TAF1B: variants seen among roughly 807,000 people sequenced by gnomAD.
TAF1B encodes TATA-box binding protein associated factor, RNA polymerase I subunit B.
In TAF1B, 61 loss-of-function variants were observed where a neutral mutation model predicts 83.9. The observed-to-expected ratio is 0.73, with a 90% confidence interval of 0.59 to 0.90. The LOEUF (loss-of-function observed/expected upper bound fraction) is 0.90, where lower values mean the gene tolerates loss of function less well. Ranked by LOEUF, TAF1B falls within the 40% of genes least tolerant of loss-of-function variation. The pLI, the probability that TAF1B is intolerant of heterozygous loss-of-function variation, is 0.00. For missense variants in TAF1B, 625 were observed against 677.0 expected (o/e 0.92, Z 0.85); for synonymous variants, 221 against 224.6 (o/e 0.98, Z 0.14).
intron 8 of TAF1B, among the ~76,000 whole-genome samples, chr2:9,904,005 C>T (rs1665267919): frequency 6.6e-6 from 1 of 152,156 alleles, no homozygotes; most frequent in Non-Finnish European, 1.5e-5. Flanking sequence ...TCTCCAAATT[C>T]CAAATTTTAT....
intron 14 of TAF1B, among the ~76,000 whole-genome samples, chr2:9,929,210 G>C (rs1213636051): frequency 1.3e-5 from 2 of 152,012 alleles, no homozygotes; most frequent in African/African-American, 2.4e-5. Context: ...CCAGGCTGGA[G>C]TGCAGTGGCA....
chr2:9,889,849 A>G (rs964586523), intron 8 of TAF1B, among the ~76,000 whole-genome samples: 3 of 152,150 alleles, frequency 2.0e-5, no homozygotes, highest in Admixed American at 6.5e-5. Context: ...ACTCTACCCA[A>G]TGCCTCTGGT....
At position 9,868,717 on chromosome 2, in the gene TAF1B, T is replaced by C. The variant is rs1244862673; in HGVS notation, c.553+288T>C. On this transcript the variant is annotated intron_variant, in intron 6 of 14. Coordinates refer to ENST00000263663, the MANE Select transcript of TAF1B (RefSeq NM_005680.3). The stretch of plus-strand genomic sequence containing the variant: ...AAGGAGGCTGCTTCAGAAAGATCTA[T>C]ATGTGTGGGCTCAGCGTCTTCAAAG... 5.3e-6 allele frequency: 3 copies of C among 561,386 alleles called. No homozygotes were observed. In the Admixed American group the frequency reaches 6.6e-5, roughly 12 times the overall value. The allele number at this position is 561,386 out of a possible 1,614,324, so 34.8% of individuals were successfully genotyped here.
intron 5 of TAF1B, among the ~76,000 whole-genome samples, chr2:9,856,027 T>C (rs1014509): frequency 0.24 from 36,766 of 152,092 alleles, 5,013 homozygotes; most frequent in East Asian, 0.31. Context: ...ACACATTTGT[T>C]AAGGGCTTGG....
chr2:9,853,825 G>A (rs944707341), intron 4 of TAF1B, among the ~76,000 whole-genome samples: 3 of 152,026 alleles, frequency 2.0e-5, no homozygotes, highest in Admixed American at 1.3e-4. Flanking sequence ...TAACAGCTTT[G>A]CCCCTAACTA....
chr2:9,860,668 A>C (rs1663724101), intron 5 of TAF1B, among the ~76,000 whole-genome samples: 1 of 152,208 alleles, frequency 6.6e-6, no homozygotes, highest in Non-Finnish European at 1.5e-5. Flanking sequence ...ATGTGAAGTA[A>C]GAGGACAGCT....
At chr2:9,913,705 G>A (rs1233100493) in intron 12 of TAF1B, 2 of 152,864 alleles carry the variant, frequency 1.3e-5, no homozygotes, top group East Asian at 1.9e-4. Flanking sequence ...TTAAAACAAA[G>A]GAAAGCAGAT....
chr2:9,852,307 A>G (rs1233450178), intron 4 of TAF1B, among the ~76,000 whole-genome samples: 2 of 152,162 alleles, frequency 1.3e-5, no homozygotes, highest in African/African-American at 4.8e-5. Flanking sequence ...TTTGAATTTC[A>G]TATTCCTTCA....
intron 8 of TAF1B, among the ~76,000 whole-genome samples, chr2:9,888,016 C>G (rs1049842069): frequency 6.6e-6 from 1 of 152,082 alleles, no homozygotes; most frequent in African/African-American, 2.4e-5. Flanking sequence ...CCACAGCCAA[C>G]TAATTAAAAA....
At position 9,880,426 on chromosome 2, in the gene TAF1B, C is replaced by CTTTTTTTT. The variant is rs6146620; in HGVS notation, c.708-2262_708-2255dup. 2.4e-4 allele frequency among the ~76,000 whole-genome samples: 18 copies of CTTTTTTTT among 75,034 alleles called. 1 individual carries two copies. The highest frequency in any genetic ancestry group is 4.3e-4 in the African/African-American group (8 of 18,690). The allele number at this position is 75,034 out of a possible 152,430, so 49.2% of individuals were successfully genotyped here. A position where few individuals can be genotyped will look rare whatever the true frequency, so the allele number is the denominator to read the frequency against. On this transcript the variant is annotated intron_variant, in intron 7 of 14. Transcript: ENST00000263663. ...ATTGTTCAGAACTTTGAGTAAGCAG[C>CTTTTTTTT]TTTTTTTTTTTTTTTTTTTTTTTTT...
intron 8 of TAF1B, among the ~76,000 whole-genome samples, chr2:9,898,635 C>T (rs971339341): frequency 1.3e-5 from 2 of 152,106 alleles, no homozygotes; most frequent in Non-Finnish European, 2.9e-5. Flanking sequence ...TGACAGAGTA[C>T]AGTGTATCTA....
At chr2:9,875,294 C>A (rs749366711) in intron 6 of TAF1B, among the ~76,000 whole-genome samples, 22 of 152,156 alleles carry the variant, frequency 1.4e-4, no homozygotes, top group Non-Finnish European at 2.4e-4. Flanking sequence ...TGTCCCATCC[C>A]ACTCCTACAG....
intron 5 of TAF1B, among the ~76,000 whole-genome samples, chr2:9,858,522 G>T (rs1374980952): frequency 1.3e-5 from 2 of 152,222 alleles, no homozygotes; most frequent in Non-Finnish European, 2.9e-5. Context: ...GTGGGAATCT[G>T]TTGGGGCTCC....
intron 14 of TAF1B, among the ~76,000 whole-genome samples, chr2:9,927,718 G>T (rs1402564380): frequency 6.6e-6 from 1 of 151,910 alleles, no homozygotes; most frequent in Non-Finnish European, 1.5e-5. Flanking sequence ...TGATGGGGTT[G>T]TTTTTTTCTT....
intron 7 of TAF1B, among the ~76,000 whole-genome samples, chr2:9,879,367 C>T (rs1317065831): frequency 6.6e-6 from 1 of 152,120 alleles, no homozygotes; most frequent in Admixed American, 6.5e-5. Flanking sequence ...GGCTGGGTGG[C>T]GCTACAGCTT....
intron 2 of TAF1B, chr2:9,846,160 AAGTTACCC>A: frequency 2.1e-6 from 1 of 466,806 alleles, no homozygotes; most frequent in Non-Finnish European, 4.4e-6. Context: ...GAGTTTGCCA[AAGTTACCC>A]AAGTACCAGG....
In TAF1B at chr2:9,919,036, T is replaced by C. The variant is rs1429626036; in HGVS notation, c.1272-5T>C. 6.2e-7 allele frequency: 1 copy of C among 1,613,586 alleles called. No individual in the cohort carries two copies. The highest frequency in any genetic ancestry group is 1.7e-5 in the Admixed American group (1 of 59,996). ...CTGCTCCAGCTGTTTCTTTACCTTG[T>C]ACAGGTACCTGTGGAAAAGTGAAAA... is the stretch of plus-strand genomic sequence containing the variant. On this transcript the variant is annotated splice_polypyrimidine_tract_variant and splice_region_variant and intron_variant, in intron 12 of 14. Transcript: ENST00000263663.
intron 8 of TAF1B, among the ~76,000 whole-genome samples, chr2:9,903,398 A>T (rs781272056): frequency 2.3e-4 from 35 of 152,232 alleles, no homozygotes; most frequent in South Asian, 6.2e-4. Flanking sequence ...TCTAAACTAA[A>T]TTTTTTATGT....
intron 8 of TAF1B, among the ~76,000 whole-genome samples, chr2:9,898,891 T>C (rs1665098389): frequency 6.6e-6 from 1 of 152,036 alleles, no homozygotes; most frequent in African/African-American, 2.4e-5. Flanking sequence ...CTCTTTAACA[T>C]GTGTTTTTTT....
Sources: gnomAD v4.1 joint callset for allele counts (sites outside exome capture counted in the v4.1 genomes callset) on GRCh38, gnomAD v4.1.1 for gene constraint, MANE v1.5 for transcripts, NCBI Gene and HGNC (gene_info 2026-07-23, HGNC 2026-07-21) for gene names.